BTBD16: variants seen among roughly 807,000 people sequenced by gnomAD.
The protein encoded by BTBD16 is BTB domain containing 16, also known as BTB/POZ domain-containing protein 16.
BTBD16 carries 66 observed loss-of-function variants against 67.4 expected under a neutral mutation model. The observed-to-expected ratio is 0.98, with a 90% confidence interval of 0.80 to 1.20. The LOEUF (loss-of-function observed/expected upper bound fraction) is 1.20, where lower values mean the gene tolerates loss of function less well. Ranked by LOEUF, BTBD16 falls within the 50% of genes most tolerant of loss-of-function variation. The pLI is 0.00. For missense variants in BTBD16, 634 were observed against 616.0 expected, an observed-to-expected ratio of 1.03 and a Z score of -0.31; for synonymous variants, 242 against 236.4, an observed-to-expected ratio of 1.02 and a Z score of -0.22.
intron 10 of BTBD16, chr10:122,327,407 T>C (rs1460072024): frequency 6.1e-6 from 1 of 163,164 alleles, no homozygotes; most frequent in Non-Finnish European, 1.3e-5. Context: ...AGCCAGCAGC[T>C]GGCCCAAGCC....
intron 9 of BTBD16, among the ~76,000 whole-genome samples, chr10:122,302,030 A>C (rs1330591897): frequency 6.6e-6 from 1 of 152,184 alleles, no homozygotes; most frequent in Non-Finnish European, 1.5e-5. Context: ...CTCCAAGGTC[A>C]GGGGTGGAGT....
intron 9 of BTBD16, 38 bp from the exon 10 acceptor site, chr10:122,307,151 T>C (rs1041846875): frequency 6.4e-7 from 1 of 1,567,738 alleles, no homozygotes; most frequent in Non-Finnish European, 8.6e-7. Flanking sequence ...TTTTGTGCTA[T>C]TTCTGAAATT....
intron 3 of BTBD16, among the ~76,000 whole-genome samples, chr10:122,282,471 C>G (rs189431079): frequency 1.3e-5 from 2 of 152,358 alleles, no homozygotes; most frequent in East Asian, 3.9e-4. Context: ...TGCATGCACC[C>G]TGACCCATGG....
intron 3 of BTBD16, among the ~76,000 whole-genome samples, chr10:122,281,466 C>T (rs905161888): frequency 6.6e-6 from 1 of 152,112 alleles, no homozygotes; most frequent in Non-Finnish European, 1.5e-5. Context: ...CAGGCATGAT[C>T]ACAGCTCACT....
chr10:122,286,121 C>G lies in BTBD16; in HGVS notation c.258C>G (p.Cys86Trp). Residue 86 changes from cysteine to tryptophan, a missense_variant, in exon 5 of 16, where the codon TGC becomes TGG. Transcript: ENST00000260723. The part of the protein sequence containing the change: ...QSGEADVILE[C>W]LGFKWELHQP... ...TGTCCTCAGATGTGATTCTCGAGTG[C>G]CTGGGCTTCAAATGGGAGCTCCATC... is the stretch of plus-strand genomic sequence containing the variant. 1 of 1,613,528 alleles carries G rather than the reference C, an allele frequency of 6.2e-7. No individual in the cohort carries two copies. Among genetic ancestry groups the G allele is most frequent in the Non-Finnish European group, 8.5e-7 (1 of 1,179,614 alleles).
At chr10:122,277,160 T>TTTTTTTC (rs201189042) in intron 3 of BTBD16, among the ~76,000 whole-genome samples, 7,548 of 145,108 alleles carry the variant, frequency 0.052, 669 homozygotes, top group African/African-American at 0.19. Flanking sequence ...GATTGAATTT[T>TTTTTTTC]TTTTTTTTTT....
At chr10:122,294,796 A>T (rs2096380122) in intron 7 of BTBD16, among the ~76,000 whole-genome samples, 1 of 152,262 alleles carries the variant, frequency 6.6e-6, no homozygotes, top group Non-Finnish European at 1.5e-5. Context: ...ATTCCAGTCC[A>T]GCCCAGCCAA....
intron 5 of BTBD16, among the ~76,000 whole-genome samples, chr10:122,287,237 G>A (rs1465418899): frequency 6.6e-6 from 1 of 152,174 alleles, no homozygotes; most frequent in Non-Finnish European, 1.5e-5. Flanking sequence ...GTCTTCAAGG[G>A]CCAGACTGGG....
rs1005353109 is a variant in BTBD16 at position 122,271,513 on chromosome 10, C to T, written c.-44C>T. 3.3e-5 allele frequency: 5 copies of T among 152,306 alleles called. No individual in the cohort carries two copies. Among genetic ancestry groups the T allele is most frequent in the African/African-American group, 4.8e-5 (2 of 41,454 alleles). 9.4% of individuals were successfully genotyped at this position (152,306 alleles called of 1,614,324 possible). ...TGTGGTGGGCAAAAGGGCTTTGGAACGGTAAGTACAATGGGTATTTTTCAG... is the reference window on the plus strand; with the variant it reads ...TGTGGTGGGCAAAAGGGCTTTGGAATGGTAAGTACAATGGGTATTTTTCAG... On this transcript the variant is annotated splice_region_variant and 5_prime_UTR_variant, in exon 1 of 16. In the 5' UTR this introduces an upstream ATG that the reference lacks. Transcript: ENST00000260723.
In BTBD16 at chr10:122,290,420, C is replaced by T. The variant is rs893822510; in HGVS notation, c.475+422C>T. On this transcript the variant is annotated intron_variant, in intron 6 of 15. Transcript: ENST00000260723. ...CCTTACCTCCCCCAACTTGGGCTCA[C>T]TCTCTCCCCATCCCCTCACAGCCAC... is the stretch of plus-strand genomic sequence containing the variant. 1.1e-4 allele frequency among the ~76,000 whole-genome samples: 16 copies of T among 152,282 alleles called. 1 individual carries two copies. The highest frequency in any genetic ancestry group is 9.2e-4 in the Admixed American group (14 of 15,298).
chr10:122,294,993 C>T (rs1324432548), intron 7 of BTBD16, among the ~76,000 whole-genome samples: 1 of 152,248 alleles, frequency 6.6e-6, no homozygotes, highest in East Asian at 1.9e-4. Context: ...CTCGTCACAG[C>T]TTGGGCTTCA....
At chr10:122,315,983 T>C (rs2096423493) in intron 10 of BTBD16, among the ~76,000 whole-genome samples, 1 of 152,144 alleles carries the variant, frequency 6.6e-6, no homozygotes, top group Non-Finnish European at 1.5e-5. Context: ...AGTCCACTCA[T>C]AGGCCGGGCA....
chr10:122,284,066 A>G, intron 4 of BTBD16, 142 bp downstream of exon 4: 1 of 646,208 alleles, frequency 1.5e-6, no homozygotes, highest in Non-Finnish European at 2.8e-6. Context: ...AGCGTCTAAG[A>G]AATAATAGGT....
intron 13 of BTBD16, among the ~76,000 whole-genome samples, chr10:122,333,727 C>T (rs189822617): frequency 7.2e-5 from 11 of 152,136 alleles, no homozygotes; most frequent in Admixed American, 5.2e-4. Context: ...GAGCCATGTG[C>T]AGCCTAAATA....
rs76039623 is a variant in BTBD16 at position 122,296,449 on chromosome 10, T to C, written c.591-1319T>C. Among the ~76,000 whole-genome samples, 1,145 of 152,288 alleles carry C rather than the reference T, an allele frequency of 7.5e-3. 13 individuals are homozygous for C. The highest frequency in any genetic ancestry group is 0.026 in the African/African-American group (1,062 of 41,544). On this transcript the variant is annotated intron_variant, in intron 7 of 15. Coordinates refer to ENST00000260723, the MANE Select transcript of BTBD16 (RefSeq NM_144587.5). Reference sequence around the variant, plus strand: ...TGGATGTCCTTTAAGCCTCTGCCCATGAGCGGTGTGTATATCAACTGAGTT... The same window carrying C: ...TGGATGTCCTTTAAGCCTCTGCCCACGAGCGGTGTGTATATCAACTGAGTT...
chr10:122,331,109 TA>T (rs929618968), intron 11 of BTBD16, 66 bp from the exon 12 acceptor site: 7 of 1,568,252 alleles, frequency 4.5e-6, no homozygotes, highest in Non-Finnish European at 6.0e-6. Context: ...TTCCTTTCTG[TA>T]AATGAGACTT....
chr10:122,302,628 G>A (rs893594378), intron 9 of BTBD16, among the ~76,000 whole-genome samples: 1 of 152,202 alleles, frequency 6.6e-6, no homozygotes, highest in Non-Finnish European at 1.5e-5. Flanking sequence ...CATGGGACAA[G>A]GTTCCTATGG....
intron 13 of BTBD16, 38 bp from the exon 14 acceptor site, chr10:122,334,843 T>G (rs771355726): frequency 3.1e-6 from 4 of 1,281,298 alleles, no homozygotes; most frequent in South Asian, 1.2e-5. Context: ...CTAAATATTT[T>G]CCCCCCTTCA....
intron 10 of BTBD16, among the ~76,000 whole-genome samples, chr10:122,326,690 G>T (rs2096445458): frequency 6.6e-6 from 1 of 152,220 alleles, no homozygotes; most frequent in Admixed American, 6.5e-5. Context: ...TGGGAGATTT[G>T]TCCCCAGGGT....
Sources: gnomAD v4.1 joint callset for allele counts (sites outside exome capture counted in the v4.1 genomes callset) on GRCh38, gnomAD v4.1.1 for gene constraint, MANE v1.5 for transcripts, NCBI Gene and HGNC (gene_info 2026-07-23, HGNC 2026-07-21) for gene names.